NTM: variants seen among roughly 807,000 people sequenced by gnomAD.
The protein encoded by NTM is neurotrimin, also known as IgLON family member 2.
NTM carries 13 observed loss-of-function variants against 42.1 expected under a neutral mutation model. That is an observed-to-expected ratio of 0.31 (90% CI 0.20 to 0.49). NTM has a LOEUF of 0.49. Among genes scored for constraint, NTM ranks in the 20% least tolerant of loss-of-function variants. The pLI, the probability that NTM is intolerant of heterozygous loss-of-function variation, is 0.99. For synonymous variants in NTM, 187 were observed against 179.2 expected (o/e 1.04, Z -0.35); for missense variants, 373 against 452.8 (o/e 0.82, Z 1.60).
At chr11:132,280,472 CTTCTTTT>C (rs1303968640) in intron 4 of NTM, among the ~76,000 whole-genome samples, 1 of 125,674 alleles carries the variant, frequency 8.0e-6, no homozygotes, top group Non-Finnish European at 1.6e-5. Context: ...CTGATACTCT[CTTCTTTT>C]TTTTTTTTTT....
chr11:131,403,007 T>C (rs1945409499), intron 1 of NTM, among the ~76,000 whole-genome samples: 1 of 152,176 alleles, frequency 6.6e-6, no homozygotes, highest in South Asian at 2.1e-4. Flanking sequence ...ACTGAAGAAG[T>C]CGAAATCCAA....
At chr11:131,954,888 TTA>T (rs1257811391) in intron 2 of NTM, among the ~76,000 whole-genome samples, 1 of 152,220 alleles carries the variant, frequency 6.6e-6, no homozygotes, top group Non-Finnish European at 1.5e-5. Flanking sequence ...ATTAAATATT[TTA>T]TGTTATATTT....
chr11:131,534,019 A>G (rs1445864337), intron 1 of NTM: 2 of 152,326 alleles, frequency 1.3e-5, no homozygotes, highest in East Asian at 1.9e-4. Context: ...GCTGCTCCAT[A>G]AACACTCATC....
At chr11:132,227,552 T>C (rs1566524803) in intron 4 of NTM, among the ~76,000 whole-genome samples, 1 of 152,032 alleles carries the variant, frequency 6.6e-6, no homozygotes, top group East Asian at 1.9e-4. Context: ...TGGCTATTAT[T>C]GCGGTGTAAT....
In NTM at chr11:131,743,875, A is replaced by G. The variant is rs190106392; in HGVS notation, c.83-167689A>G. 4.5e-4 allele frequency among the ~76,000 whole-genome samples: 69 copies of G among 152,332 alleles called. 1 individual carries two copies. Among genetic ancestry groups the G allele is most frequent in the Non-Finnish European group, 7.3e-5 (5 of 68,036 alleles). On this transcript the variant is annotated intron_variant, in intron 1 of 8. Transcript: ENST00000683400. ...ACAATTCCCCAATGCATATTTTACCATTTAGTCTATTCATTCTGGAACCTG... is the reference window on the plus strand; with the variant it reads ...ACAATTCCCCAATGCATATTTTACCGTTTAGTCTATTCATTCTGGAACCTG...
chr11:131,819,709 C>A (rs1269573319), intron 1 of NTM, among the ~76,000 whole-genome samples: 2 of 152,180 alleles, frequency 1.3e-5, no homozygotes, highest in African/African-American at 4.8e-5. Flanking sequence ...CCAGGAGTCA[C>A]TCTGGAGCCC....
At chr11:132,199,501 A>T (rs2080825021) in intron 3 of NTM, among the ~76,000 whole-genome samples, 1 of 152,208 alleles carries the variant, frequency 6.6e-6, no homozygotes, top group African/African-American at 2.4e-5. Context: ...AGATGCTGGC[A>T]TAAAACCCAC....
chr11:132,128,134 ACGC>A (rs1312264006), intron 2 of NTM, among the ~76,000 whole-genome samples: 6 of 152,182 alleles, frequency 3.9e-5, no homozygotes, highest in Admixed American at 1.3e-4. Flanking sequence ...TGGGGACAGG[ACGC>A]TGGAGAGGAG....
chr11:132,043,900 A>G (rs892071103), intron 2 of NTM, among the ~76,000 whole-genome samples: 2 of 152,068 alleles, frequency 1.3e-5, no homozygotes, highest in African/African-American at 2.4e-5. Flanking sequence ...AGAAGGCCCA[A>G]TCTTGGGATA....
chr11:132,061,274 G>C (rs527386840), intron 2 of NTM, among the ~76,000 whole-genome samples: 1 of 152,246 alleles, frequency 6.6e-6, no homozygotes, highest in African/African-American at 2.4e-5. Flanking sequence ...CATATTTTTT[G>C]TGTACGTTCT....
chr11:132,140,578 C>T (rs1050117108), intron 2 of NTM, among the ~76,000 whole-genome samples: 1 of 152,070 alleles, frequency 6.6e-6, no homozygotes, highest in African/African-American at 2.4e-5. Context: ...AAAAGAAATC[C>T]AGTAGGGTCA....
At chr11:131,924,203 G>T (rs1324452271) in intron 2 of NTM, among the ~76,000 whole-genome samples, 1 of 152,184 alleles carries the variant, frequency 6.6e-6, no homozygotes, top group Non-Finnish European at 1.5e-5. Context: ...TCTGGTGGTG[G>T]GGTGGTTTTT....
chr11:132,210,058 C>A (rs1291560935), intron 3 of NTM, among the ~76,000 whole-genome samples: 1 of 152,094 alleles, frequency 6.6e-6, no homozygotes, highest in Admixed American at 6.6e-5. Flanking sequence ...AATTTGCAAA[C>A]CCATCTGATT....
At chr11:132,331,754 G>A (rs2095804205) in intron 8 of NTM, among the ~76,000 whole-genome samples, 1 of 152,234 alleles carries the variant, frequency 6.6e-6, no homozygotes, top group African/African-American at 2.4e-5. Flanking sequence ...GCAAGGCAGG[G>A]AAGGCTGCCT....
chr11:132,094,427 A>G (rs1043702691), intron 2 of NTM, among the ~76,000 whole-genome samples: 3 of 152,118 alleles, frequency 2.0e-5, no homozygotes, highest in African/African-American at 4.8e-5. Flanking sequence ...GCTGTCCTCC[A>G]TGGGTGCAGC....
chr11:132,105,602 T>C (rs1433230136), intron 2 of NTM, among the ~76,000 whole-genome samples: 4 of 152,118 alleles, frequency 2.6e-5, no homozygotes, highest in Admixed American at 1.3e-4. Flanking sequence ...CAGAGAAGCG[T>C]TGATCCTGTT....
At chr11:131,911,717 G>T (rs1370124475) in intron 2 of NTM, 69 bp downstream of exon 2, 38 of 1,587,604 alleles carry the variant, frequency 2.4e-5, no homozygotes, top group Non-Finnish European at 3.0e-5. Context: ...AGGGGTGCAG[G>T]TGTGTGCACT....
intron 1 of NTM, among the ~76,000 whole-genome samples, chr11:131,573,251 T>A (rs945093637): frequency 6.6e-5 from 10 of 152,300 alleles, no homozygotes; most frequent in Non-Finnish European, 7.4e-5. Context: ...CAGGGAAGAC[T>A]GGGGTTTACA....
At chr11:132,215,251 A>G (rs1001927449) in intron 4 of NTM, among the ~76,000 whole-genome samples, 1 of 152,218 alleles carries the variant, frequency 6.6e-6, no homozygotes, top group Non-Finnish European at 1.5e-5. Context: ...GAACCTGCCA[A>G]ATCCCTGGAT....
Sources: allele counts gnomAD v4.1 joint callset (sites outside exome capture counted in the v4.1 genomes callset), GRCh38; gene constraint gnomAD v4.1.1; transcripts MANE v1.5; gene names NCBI Gene and HGNC (gene_info 2026-07-23, HGNC 2026-07-21).